MALRD1: variants seen among roughly 807,000 people sequenced by gnomAD.
MALRD1 encodes the protein MAM and LDL receptor class A domain containing 1.
In MALRD1, 247 loss-of-function variants were observed where a neutral mutation model predicts 242.1. That is an observed-to-expected ratio of 1.02 (90% confidence interval 0.92 to 1.13). The LOEUF is 1.13. Among genes scored for constraint, MALRD1 ranks in the 50% most tolerant of loss-of-function variants. MALRD1 has a pLI of 0.00. For synonymous variants in MALRD1, 995 were observed against 866.6 expected (o/e 1.15, Z -2.60); for missense variants, 2,989 against 2,533.1 (o/e 1.18, Z -3.86).
intron 28 of MALRD1, among the ~76,000 whole-genome samples, chr10:19,393,315 A>G (rs545607118): frequency 6.6e-6 from 1 of 152,270 alleles, no homozygotes; most frequent in East Asian, 1.9e-4. Context: ...CCTAAGATTT[A>G]AAACAAAAAA....
At chr10:19,558,329 G>A (rs1018503985) in intron 32 of MALRD1, among the ~76,000 whole-genome samples, 2 of 152,056 alleles carry the variant, frequency 1.3e-5, no homozygotes, top group Admixed American at 1.3e-4. Flanking sequence ...ATTTTAGTAG[G>A]AAAATGGCTA....
intron 25 of MALRD1, among the ~76,000 whole-genome samples, chr10:19,349,140 T>C (rs1844256254): frequency 6.6e-6 from 1 of 152,114 alleles, no homozygotes; most frequent in Non-Finnish European, 1.5e-5. Context: ...TCTGTATTTT[T>C]AGTAGCGATG....
intron 32 of MALRD1, among the ~76,000 whole-genome samples, chr10:19,556,108 A>G (rs1193222705): frequency 6.6e-6 from 1 of 152,182 alleles, no homozygotes; most frequent in East Asian, 1.9e-4. Flanking sequence ...ACTTTTAAAC[A>G]TTAAACAGCT....
At chr10:19,444,404 C>T (rs1040688895) in intron 28 of MALRD1, among the ~76,000 whole-genome samples, 10 of 152,260 alleles carry the variant, frequency 6.6e-5, no homozygotes, top group South Asian at 2.1e-4. Flanking sequence ...TTCCTAGCAT[C>T]GATGGTCTTT....
intron 28 of MALRD1, among the ~76,000 whole-genome samples, chr10:19,416,192 G>A (rs1485217556): frequency 1.3e-5 from 2 of 152,134 alleles, no homozygotes; most frequent in Admixed American, 6.6e-5. Flanking sequence ...ACAAAGCAAG[G>A]TAGTGGTTGT....
chr10:19,266,032 G>A (rs1408530152), intron 19 of MALRD1, among the ~76,000 whole-genome samples: 1 of 151,574 alleles, frequency 6.6e-6, no homozygotes, highest in Non-Finnish European at 1.5e-5. Context: ...ATAGCTTCCT[G>A]TGCTCTTTTC....
rs569401577 is a variant in MALRD1, at chr10:19,391,842, C to T, written c.4845+2233C>T. On this transcript the variant is annotated intron_variant, in intron 28 of 39. Coordinates refer to ENST00000454679, the MANE Select transcript of MALRD1 (RefSeq NM_001142308.3). ...CACTGAAGTTTTAGGCTTCAAGTGTCACTCTCAGATCTTCAGAAAAGGGAC... is the reference window on the plus strand; with the variant it reads ...CACTGAAGTTTTAGGCTTCAAGTGTTACTCTCAGATCTTCAGAAAAGGGAC... Among the ~76,000 whole-genome samples the T allele has an allele frequency of 2.0e-5, 3 of 152,290 alleles. No individual in the cohort carries two copies. The South Asian group carries it at 6.2e-4, about 32-fold the overall frequency.
chr10:19,265,821 A>T (rs1437108434), intron 19 of MALRD1, among the ~76,000 whole-genome samples: 7 of 152,024 alleles, frequency 4.6e-5, no homozygotes, highest in Non-Finnish European at 8.8e-5. Flanking sequence ...GGGATATTGA[A>T]GTCCTTTACT....
chr10:19,439,841 C>A (rs1834535530), intron 28 of MALRD1, among the ~76,000 whole-genome samples: 1 of 152,132 alleles, frequency 6.6e-6, no homozygotes, highest in Non-Finnish European at 1.5e-5. Flanking sequence ...ACTCCATAGG[C>A]AACCTTTCTA....
intron 36 of MALRD1, among the ~76,000 whole-genome samples, chr10:19,677,637 A>G (rs933739483): frequency 2.0e-5 from 3 of 152,118 alleles, no homozygotes; most frequent in African/African-American, 7.2e-5. Flanking sequence ...CTCTGATGAT[A>G]CTTTCTTTTG....
chr10:19,594,847 T>C (rs879298989), intron 33 of MALRD1, among the ~76,000 whole-genome samples: 89 of 152,180 alleles, frequency 5.8e-4, no homozygotes, highest in African/African-American at 2.0e-3. Context: ...AGATTGGGCA[T>C]GTGGTGAGAA....
intron 4 of MALRD1, among the ~76,000 whole-genome samples, chr10:19,095,311 A>C (rs530143681): frequency 2.6e-5 from 4 of 152,302 alleles, no homozygotes; most frequent in African/African-American, 9.6e-5. Flanking sequence ...TTCAGGCTTC[A>C]ATAAACTTAA....
intron 1 of MALRD1, among the ~76,000 whole-genome samples, chr10:19,061,836 G>A (rs11008325): frequency 0.18 from 27,786 of 152,040 alleles, 2,599 homozygotes; most frequent in Middle Eastern, 0.26. Flanking sequence ...GTAAAACTTA[G>A]TAACAGGAGA....
In MALRD1 at chr10:19,275,656, G is replaced by T. The variant is rs541736472; in HGVS notation, c.3080-4391G>T. Among the ~76,000 whole-genome samples the T allele has an allele frequency of 3.4e-4, 52 of 152,022 alleles. 1 individual carries two copies. The highest frequency in any genetic ancestry group is 8.5e-4 in the Admixed American group (13 of 15,248). ...TGCACTCCAGCCTGGGCGACAGAGC[G>T]AGACTCTGTCTCAAAAAATAAAAAT... On this transcript the variant is annotated intron_variant, in intron 19 of 39. Coordinates refer to ENST00000454679, the MANE Select transcript of MALRD1 (RefSeq NM_001142308.3).
chr10:19,574,084 A>C (rs1422828661), intron 33 of MALRD1, among the ~76,000 whole-genome samples: 1 of 152,238 alleles, frequency 6.6e-6, no homozygotes, highest in African/African-American at 2.4e-5. Flanking sequence ...AAAATTCTTA[A>C]GAAAGTCAAG....
chr10:19,486,282 GTTT>G (rs927884913), intron 29 of MALRD1, among the ~76,000 whole-genome samples: 1 of 151,926 alleles, frequency 6.6e-6, no homozygotes, highest in African/African-American at 2.4e-5. Context: ...AGTCTGATCA[GTTT>G]TTTTTAACTC....
chr10:19,465,316 T>G, intron 29 of MALRD1, among the ~76,000 whole-genome samples: 1 of 152,178 alleles, frequency 6.6e-6, no homozygotes, highest in East Asian at 1.9e-4. Context: ...TTTCAACTTT[T>G]CCCCTTTCAG....
intron 31 of MALRD1, among the ~76,000 whole-genome samples, chr10:19,500,267 CTT>C (rs935691037): frequency 1.3e-5 from 2 of 152,134 alleles, no homozygotes; most frequent in African/African-American, 4.8e-5. Context: ...CTTTCACAAG[CTT>C]TTGTTTCCCT....
intron 19 of MALRD1, among the ~76,000 whole-genome samples, chr10:19,270,533 G>A (rs74121434): frequency 0.011 from 1,711 of 152,122 alleles, 39 homozygotes; most frequent in African/African-American, 0.038. Context: ...AAAAAAGAGA[G>A]AGTATTGAGA....
Sources: gnomAD v4.1 joint callset for allele counts (sites outside exome capture counted in the v4.1 genomes callset) on GRCh38, gnomAD v4.1.1 for gene constraint, MANE v1.5 for transcripts, NCBI Gene and HGNC (gene_info 2026-07-23, HGNC 2026-07-21) for gene names.